TTC39B: variants seen among roughly 807,000 people sequenced by gnomAD.
TTC39B encodes the protein tetratricopeptide repeat protein 39B.
Under a neutral mutation model 96.6 loss-of-function variants are expected in TTC39B, and 92 were observed. The ratio of observed to expected loss-of-function variants is 0.95; its 90% CI spans 0.80 to 1.13. The LOEUF is 1.13. Among genes scored for constraint, TTC39B ranks in the 50% most tolerant of loss-of-function variants. The pLI is 0.00. For missense variants in TTC39B, 955 were observed against 809.3 expected (o/e 1.18, Z -2.18); for synonymous variants, 367 against 299.4 (o/e 1.23, Z -2.33).
chr9:15,242,913 A>G (rs368215645), intron 2 of TTC39B, among the ~76,000 whole-genome samples: 13 of 152,374 alleles, frequency 8.5e-5, no homozygotes, highest in African/African-American at 3.1e-4. Context: ...AACAAAGGGC[A>G]GAGACAGCGA....
chr9:15,214,084 G>A, intron 4 of TTC39B, 55 bp downstream of exon 4: 1 of 1,336,016 alleles, frequency 7.5e-7, no homozygotes, highest in Non-Finnish European at 1.1e-6. Flanking sequence ...TGACATCAAA[G>A]AATCATCAGA....
intron 17 of TTC39B, 76 bp downstream of exon 17, chr9:15,182,231 T>C (rs1255638730): frequency 4.5e-6 from 4 of 883,742 alleles, no homozygotes; most frequent in South Asian, 1.8e-5. Context: ...TGTTGGCAGA[T>C]GTGCACAGGG....
chr9:15,271,249 G>A (rs1823341225), intron 1 of TTC39B, among the ~76,000 whole-genome samples: 1 of 152,128 alleles, frequency 6.6e-6, no homozygotes, highest in Non-Finnish European at 1.5e-5. Context: ...GTGTATTTGT[G>A]TTTAATTTTG....
chr9:15,285,074 A>C (rs1339198325), intron 1 of TTC39B, among the ~76,000 whole-genome samples: 1 of 152,084 alleles, frequency 6.6e-6, no homozygotes, highest in Non-Finnish European at 1.5e-5. Flanking sequence ...ATCCTGGCTA[A>C]CACGGTGAAA....
At chr9:15,276,920 T>C (rs1823565817) in intron 1 of TTC39B, among the ~76,000 whole-genome samples, 1 of 152,190 alleles carries the variant, frequency 6.6e-6, no homozygotes, top group Non-Finnish European at 1.5e-5. Context: ...ACCAGTAGAC[T>C]CAGGAGATGG....
At chr9:15,266,234 A>G (rs1446660233) in intron 2 of TTC39B, among the ~76,000 whole-genome samples, 3 of 152,144 alleles carry the variant, frequency 2.0e-5, no homozygotes, top group African/African-American at 7.2e-5. Context: ...GTTAATCCCA[A>G]TCACAATTAA....
intron 1 of TTC39B, among the ~76,000 whole-genome samples, chr9:15,288,145 T>C (rs977533806): frequency 2.0e-5 from 3 of 152,126 alleles, no homozygotes; most frequent in African/African-American, 7.2e-5. Context: ...AGAATCTCAA[T>C]GTTTTCTATC....
At chr9:15,290,275 A>T (rs1428478267) in intron 1 of TTC39B, among the ~76,000 whole-genome samples, 1 of 152,218 alleles carries the variant, frequency 6.6e-6, no homozygotes, top group African/African-American at 2.4e-5. Flanking sequence ...AAAGGAAAAT[A>T]AAATCTCGGG....
At chr9:15,277,703 C>T (rs1004720560) in intron 1 of TTC39B, among the ~76,000 whole-genome samples, 4 of 152,188 alleles carry the variant, frequency 2.6e-5, no homozygotes, top group Admixed American at 2.0e-4. Context: ...ATTCAAAATC[C>T]TAAGTTCTCT....
chr9:15,210,015 G>C lies in TTC39B; in HGVS notation c.691+73C>G, dbSNP rs1468720234. On this transcript the variant is annotated intron_variant, in intron 6 of 19. Transcript: ENST00000512701. Reference sequence around the variant, plus strand: ...CATTCCATTTACTTTATATACTTCAGGATGGAATTTTATGAGATGATCATT... The same window carrying C: ...CATTCCATTTACTTTATATACTTCACGATGGAATTTTATGAGATGATCATT... 6 of 1,073,008 alleles carry C rather than the reference G, an allele frequency of 5.6e-6. No individual in the cohort carries two copies. In the East Asian group the frequency reaches 1.4e-4, roughly 25 times the overall value. 66.5% of individuals were successfully genotyped at this position (1,073,008 alleles called of 1,614,324 possible).
At chr9:15,303,755 C>A (rs1824674274) in intron 1 of TTC39B, among the ~76,000 whole-genome samples, 1 of 151,862 alleles carries the variant, frequency 6.6e-6, no homozygotes, top group Non-Finnish European at 1.5e-5. Context: ...CCTCAGCCTC[C>A]CAAGTAGCTG....
intron 8 of TTC39B, among the ~76,000 whole-genome samples, 170 bp downstream of exon 8, chr9:15,199,690 GC>G (rs1461112297): frequency 1.7e-5 from 2 of 120,460 alleles, no homozygotes; most frequent in African/African-American, 6.2e-5. Flanking sequence ...AGCCGAGATT[GC>G]GCCACTGCAC....
chr9:15,188,109 G>T lies in TTC39B; in HGVS notation c.1257C>A (p.Cys419Ter), dbSNP rs192997470. The change falls in exon 14 of 20, where the codon TGC (cysteine) becomes TGA (stop). Residue 419 changes from cysteine to a stop codon, truncating the protein, a stop_gained. Coordinates refer to ENST00000512701, the Ensembl canonical transcript of TTC39B. LOFTEE classifies it high-confidence loss of function. ...GTTTCCATTCTTCTTGAACTGAAAT[G>T]CATTTTTGAAATACTTCTTGTGCCT... 1 of 1,603,352 alleles carries T rather than the reference G, an allele frequency of 6.2e-7. No individual in the cohort carries two copies. Among genetic ancestry groups the T allele is most frequent in the Admixed American group, 1.7e-5 (1 of 58,112 alleles).
At chr9:15,192,334 C>T (rs1364088976) in intron 9 of TTC39B, among the ~76,000 whole-genome samples, 1 of 152,154 alleles carries the variant, frequency 6.6e-6, no homozygotes, top group African/African-American at 2.4e-5. Context: ...TCCACTGTTC[C>T]TTGTTACCAA....
chr9:15,210,200 G>GA (rs746633354), intron 5 of TTC39B, 36 bp from the exon 6 acceptor site: 7,570 of 1,276,166 alleles, frequency 5.9e-3, no homozygotes, highest in Non-Finnish European at 6.5e-3. Context: ...ATAGAAAATA[G>GA]AAAAAAAAAA....
At position 15,245,169 on chromosome 9, in the gene TTC39B, C is replaced by G. The variant is rs567057032; in HGVS notation, c.276-19157G>C. ...ATGACATTCTTCCTGATGCAATTAGCCCCTTGCATCAAATTCAGTCTTCCT... is the reference window on the plus strand; with the variant it reads ...ATGACATTCTTCCTGATGCAATTAGGCCCTTGCATCAAATTCAGTCTTCCT... On this transcript the variant is annotated intron_variant, in intron 2 of 19. Transcript: ENST00000512701. Among the ~76,000 whole-genome samples, 109 of 152,276 alleles carry G rather than the reference C, an allele frequency of 7.2e-4. 1 individual carries two copies. Among genetic ancestry groups the G allele is most frequent in the Non-Finnish European group, 9.8e-4 (67 of 68,028 alleles).
chr9:15,191,942 G>A (rs1818881856), intron 9 of TTC39B, among the ~76,000 whole-genome samples: 1 of 152,118 alleles, frequency 6.6e-6, no homozygotes, highest in African/African-American at 2.4e-5. Flanking sequence ...TGTCCCATGT[G>A]GATACACACC....
At chr9:15,189,431 C>T in intron 13 of TTC39B, 143 bp downstream of exon 13, 1 of 783,660 alleles carries the variant, frequency 1.3e-6, no homozygotes, top group African/African-American at 1.8e-5. Context: ...AAAGTTTTGG[C>T]TTTTTACTTA....
At chr9:15,197,590 A>G (rs912052684) in intron 8 of TTC39B, among the ~76,000 whole-genome samples, 3 of 152,222 alleles carry the variant, frequency 2.0e-5, no homozygotes, top group African/African-American at 7.2e-5. Context: ...AAATGAAGGG[A>G]AAAAAGTAGG....
Sources: allele counts gnomAD v4.1 joint callset (sites outside exome capture counted in the v4.1 genomes callset), GRCh38; gene constraint gnomAD v4.1.1; transcripts MANE v1.5; gene names NCBI Gene and HGNC (gene_info 2026-07-23, HGNC 2026-07-21).